Variants in SH3PXD2A observed in about 807,000 individuals in gnomAD.
The protein encoded by SH3PXD2A is SH3 and PX domains 2A, also known as SH3 and PX domain-containing protein 2A.
SH3PXD2A carries 32 observed loss-of-function variants against 115.2 expected under a neutral mutation model. The ratio of observed to expected loss-of-function variants is 0.28; its 90% CI spans 0.21 to 0.37. The LOEUF is 0.37. Among genes scored for constraint, SH3PXD2A ranks in the 10% least tolerant of loss-of-function variants. The pLI is 1.00. For missense variants in SH3PXD2A, 1,328 were observed against 1,498.7 expected, an observed-to-expected ratio of 0.89 and a Z score of 1.88; for synonymous variants, 610 against 629.1, an observed-to-expected ratio of 0.97 and a Z score of 0.45.
intron 5 of SH3PXD2A, among the ~76,000 whole-genome samples, chr10:103,701,884 A>T (rs2037915370): frequency 1.3e-5 from 2 of 150,216 alleles, no homozygotes; most frequent in Non-Finnish European, 3.0e-5. Context: ...TCTATCATCC[A>T]TCCATCCATC....
At chr10:103,710,707 C>T (rs2038037215) in intron 5 of SH3PXD2A, among the ~76,000 whole-genome samples, 1 of 152,058 alleles carries the variant, frequency 6.6e-6, no homozygotes. Flanking sequence ...ACAAGTGAGA[C>T]GTCCCAGTAT....
chr10:103,656,865 G>A (rs557438459), intron 8 of SH3PXD2A, among the ~76,000 whole-genome samples: 3 of 151,108 alleles, frequency 2.0e-5, no homozygotes, highest in East Asian at 3.9e-4. Context: ...GTAAGTAAGA[G>A]AGACAGAGAA....
intron 7 of SH3PXD2A, chr10:103,661,913 G>C: frequency 1.0e-6 from 1 of 984,996 alleles, no homozygotes. Flanking sequence ...CCCGCCCCCC[G>C]CCAACTTTTC....
intron 9 of SH3PXD2A, among the ~76,000 whole-genome samples, 161 bp downstream of exon 9, chr10:103,626,928 G>C (rs1340985558): frequency 5.3e-5 from 8 of 152,174 alleles, no homozygotes; most frequent in African/African-American, 1.7e-4. Flanking sequence ...TGGGGTGGGA[G>C]GTGAGCTTTT....
chr10:103,831,280 A>G (rs1247537260), intron 1 of SH3PXD2A, among the ~76,000 whole-genome samples: 1 of 152,214 alleles, frequency 6.6e-6, no homozygotes, highest in African/African-American at 2.4e-5. Flanking sequence ...GAATTCCATC[A>G]GTGAATATCC....
intron 1 of SH3PXD2A, among the ~76,000 whole-genome samples, chr10:103,835,445 G>T (rs1488188465): frequency 6.6e-6 from 1 of 152,182 alleles, no homozygotes; most frequent in East Asian, 1.9e-4. Flanking sequence ...AAGTGAAATC[G>T]CTTAGCAGAC....
chr10:103,668,994 C>T (rs1592291842), intron 6 of SH3PXD2A, among the ~76,000 whole-genome samples: 2 of 152,240 alleles, frequency 1.3e-5, no homozygotes, highest in East Asian at 3.9e-4. Flanking sequence ...CTGACCCTTC[C>T]TTTCTGGCCA....
chr10:103,602,181 G>C lies in SH3PXD2A; in HGVS notation c.3037C>G (p.Arg1013Gly). The C allele has an allele frequency of 6.3e-7, 1 of 1,575,028 alleles. No individual in the cohort carries two copies. Among genetic ancestry groups the C allele is most frequent in the South Asian group, 1.2e-5 (1 of 84,118 alleles). Residue 1013 changes from arginine (R) to glycine (G), a missense_variant, in exon 15 of 15, where the codon CGA becomes GGA. Arg to Gly is a moderately radical substitution (Grantham distance 125). Transcript: ENST00000369774. ...GCAGTGCTAAAGGAGGAGTTCCGTC[G>C]GACGCCTCGGAGGCCATCAGTGGCC... is the stretch of plus-strand genomic sequence containing the variant. ...LTATDGLRGV[R>G]RNSSFSTARS...
intron 8 of SH3PXD2A, among the ~76,000 whole-genome samples, chr10:103,634,925 C>T (rs969558892): frequency 6.6e-6 from 1 of 152,126 alleles, no homozygotes; most frequent in African/African-American, 2.4e-5. Context: ...AAAGGAGACA[C>T]TGCAGGGAGG....
At chr10:103,609,817 T>G (rs963954724) in intron 13 of SH3PXD2A, 20 of 152,270 alleles carry the variant, frequency 1.3e-4, no homozygotes, top group African/African-American at 4.8e-4. Context: ...GGGAAGAAGC[T>G]TGGTGTAGCA....
intron 8 of SH3PXD2A, among the ~76,000 whole-genome samples, chr10:103,637,595 A>G (rs2036886126): frequency 6.6e-6 from 1 of 152,090 alleles, no homozygotes; most frequent in East Asian, 1.9e-4. Context: ...CTGCTTCTCA[A>G]AGCACCTCTA....
chr10:103,785,784 G>C (rs1200790595), intron 2 of SH3PXD2A, among the ~76,000 whole-genome samples: 16 of 151,900 alleles, frequency 1.1e-4, no homozygotes, highest in African/African-American at 1.2e-4. Flanking sequence ...ATGCAGACCA[G>C]AGCAGGCTTC....
chr10:103,664,743 T>C (rs2037361719), intron 7 of SH3PXD2A, among the ~76,000 whole-genome samples: 1 of 151,132 alleles, frequency 6.6e-6, no homozygotes, highest in Admixed American at 6.6e-5. Flanking sequence ...CTCGGCTCAC[T>C]GCAACCTCCG....
intron 1 of SH3PXD2A, among the ~76,000 whole-genome samples, chr10:103,810,837 A>AACAC (rs60455630): frequency 3.0e-4 from 45 of 150,292 alleles, no homozygotes; most frequent in African/African-American, 8.6e-4. Context: ...CAACACACAC[A>AACAC]ACACACACAC....
intron 1 of SH3PXD2A, among the ~76,000 whole-genome samples, chr10:103,834,029 C>G (rs989057500): frequency 3.3e-5 from 5 of 152,212 alleles, no homozygotes; most frequent in African/African-American, 1.2e-4. Flanking sequence ...ACGTCTCTAA[C>G]CAGGCCAGAG....
At chr10:103,722,593 T>G (rs1172349820) in intron 5 of SH3PXD2A, among the ~76,000 whole-genome samples, 1 of 146,648 alleles carries the variant, frequency 6.8e-6, no homozygotes, top group Non-Finnish European at 1.5e-5. Flanking sequence ...TGAGCCAATA[T>G]GCCTAGCTTT....
intron 8 of SH3PXD2A, among the ~76,000 whole-genome samples, chr10:103,634,458 A>G (rs578253110): frequency 9.2e-5 from 14 of 152,344 alleles, no homozygotes; most frequent in African/African-American, 3.4e-4. Context: ...TGTTCTTGTC[A>G]TCATCCATCC....
At position 103,665,853 on chromosome 10, in the gene SH3PXD2A, G is replaced by C. The variant is rs1343723115; in HGVS notation, c.472+2755C>G. ...GTGCTTGGCAGGAGCATGGAGAAGG[G>C]GTGTACCTCTTCTAGACAGCAGAGC... On this transcript the variant is annotated intron_variant, in intron 7 of 14. Transcript: ENST00000369774. The surrounding 1 kb of genome is among the most constrained non-coding windows in gnomAD (Gnocchi z 4.0). Among the ~76,000 whole-genome samples the C allele has an allele frequency of 6.6e-6, 1 of 152,140 alleles. No individual in the cohort carries two copies. The highest frequency in any genetic ancestry group is 1.5e-5 in the Non-Finnish European group (1 of 68,006).
intron 2 of SH3PXD2A, among the ~76,000 whole-genome samples, chr10:103,797,799 A>G (rs1000678029): frequency 1.3e-5 from 2 of 152,064 alleles, no homozygotes; most frequent in African/African-American, 4.8e-5. Context: ...TGGAAAAACC[A>G]AAGAGTGTGG....
Sources: gnomAD v4.1 joint callset for allele counts (sites outside exome capture counted in the v4.1 genomes callset) on GRCh38, gnomAD v4.1.1 for gene constraint, Gnocchi (gnomAD v3.1) non-coding constraint, MANE v1.5 for transcripts, NCBI Gene and HGNC (gene_info 2026-07-23, HGNC 2026-07-21) for gene names.